SHISA6: variants seen among roughly 807,000 people sequenced by gnomAD.
SHISA6 encodes the protein protein shisa-6.
A neutral mutation model predicts 47.9 loss-of-function variants in SHISA6; 22 were observed. The observed-to-expected ratio is 0.46, with a 90% CI of 0.33 to 0.66. SHISA6 has a LOEUF of 0.66. Ranked by LOEUF, SHISA6 falls within the 30% of genes least tolerant of loss-of-function variation. The pLI, the probability that SHISA6 is intolerant of heterozygous loss-of-function variation, is 0.02. For synonymous variants in SHISA6, 388 were observed against 337.8 expected (o/e 1.15, Z -1.63); for missense variants, 680 against 764.6 (o/e 0.89, Z 1.30).
Position 11,481,527 on chromosome 17 carries a change from C to T in SHISA6, c.896-70369C>T, listed in dbSNP as rs187388553. Among the ~76,000 whole-genome samples, 807 of 149,920 alleles carry T rather than the reference C, an allele frequency of 5.4e-3. 9 individuals carry two copies. Among genetic ancestry groups the T allele is most frequent in the African/African-American group, 0.019 (771 of 40,724 alleles). On this transcript the variant is annotated intron_variant, in intron 3 of 5. Transcript: ENST00000441885. ...TTTTTTTTGGAGATGGAGTCTCGCT[C>T]CGTCGCCCAGGCTGGAGTGCAGTGG...
intron 3 of SHISA6, among the ~76,000 whole-genome samples, chr17:11,492,218 A>G (rs1375470147): frequency 1.3e-5 from 2 of 152,168 alleles, no homozygotes; most frequent in African/African-American, 4.8e-5. Context: ...ATGAAGTGCT[A>G]AAAGGCCACA....
intron 3 of SHISA6, among the ~76,000 whole-genome samples, chr17:11,544,165 G>T (rs1288087118): frequency 6.6e-6 from 1 of 152,056 alleles, no homozygotes; most frequent in Non-Finnish European, 1.5e-5. Flanking sequence ...ATAGAAGAGA[G>T]TTCCTAAGCT....
intron 3 of SHISA6, among the ~76,000 whole-genome samples, chr17:11,422,953 C>T (rs11650466): frequency 0.091 from 13,740 of 150,700 alleles, 827 homozygotes; most frequent in Non-Finnish European, 0.14. Context: ...GATTAAAACG[C>T]ATGGCTACAG....
intron 3 of SHISA6, among the ~76,000 whole-genome samples, chr17:11,428,727 A>C (rs1485566920): frequency 6.6e-6 from 1 of 150,706 alleles, no homozygotes; most frequent in Non-Finnish European, 1.5e-5. Context: ...GCAATCACAC[A>C]GTTGCTGGGG....
At chr17:11,354,851 A>G (rs1912031588) in intron 2 of SHISA6, among the ~76,000 whole-genome samples, 1 of 152,054 alleles carries the variant, frequency 6.6e-6, no homozygotes, top group African/African-American at 2.4e-5. Context: ...CTTTCTTCCC[A>G]GTCTGTGTTC....
At chr17:11,278,678 G>C (rs562168674) in intron 2 of SHISA6, among the ~76,000 whole-genome samples, 2 of 152,350 alleles carry the variant, frequency 1.3e-5, no homozygotes, top group Admixed American at 6.5e-5. Context: ...CCAGCTAGCA[G>C]CTGGGCGAAG....
At chr17:11,394,998 CT>C (rs772109588) in intron 3 of SHISA6, among the ~76,000 whole-genome samples, 1,122 of 95,094 alleles carry the variant, frequency 0.012, 1 homozygote, top group South Asian at 0.019. Context: ...TTTTTCTTTT[CT>C]TTTTTTTTTT....
chr17:11,450,902 T>C (rs1240839425), intron 3 of SHISA6, among the ~76,000 whole-genome samples: 3 of 152,022 alleles, frequency 2.0e-5, no homozygotes, highest in Non-Finnish European at 4.4e-5. Context: ...TCCAGGTTTC[T>C]TGTCAGCCTT....
At chr17:11,542,334 G>GAAAA (rs5819321) in intron 3 of SHISA6, among the ~76,000 whole-genome samples, 1 of 122,808 alleles carries the variant, frequency 8.1e-6, no homozygotes. Flanking sequence ...AGTGCTACAA[G>GAAAA]AAAAAAAAAA....
At chr17:11,550,202 A>T (rs1485954390) in intron 3 of SHISA6, among the ~76,000 whole-genome samples, 1 of 152,014 alleles carries the variant, frequency 6.6e-6, no homozygotes, top group Non-Finnish European at 1.5e-5. Flanking sequence ...TTACAGGCAC[A>T]TGCCACCCCA....
At chr17:11,272,941 G>A (rs189488126) in intron 2 of SHISA6, among the ~76,000 whole-genome samples, 1 of 152,210 alleles carries the variant, frequency 6.6e-6, no homozygotes, top group Non-Finnish European at 1.5e-5. Context: ...GGAGTGTGAT[G>A]CCTGAGTTCC....
intron 3 of SHISA6, among the ~76,000 whole-genome samples, chr17:11,404,831 A>T (rs145009345): frequency 1.3e-5 from 2 of 152,188 alleles, no homozygotes; most frequent in Non-Finnish European, 2.9e-5. Context: ...TATTATCTTC[A>T]TCTGTTGACT....
At chr17:11,323,802 G>A (rs1229290568) in intron 2 of SHISA6, among the ~76,000 whole-genome samples, 1 of 152,064 alleles carries the variant, frequency 6.6e-6, no homozygotes, top group Non-Finnish European at 1.5e-5. Context: ...TTACGCTCCA[G>A]GGGCCTCAGC....
intron 3 of SHISA6, among the ~76,000 whole-genome samples, chr17:11,543,912 A>C (rs1225618947): frequency 7.4e-5 from 4 of 54,012 alleles, no homozygotes; most frequent in Non-Finnish European, 1.4e-4. Context: ...TTTATAAGCA[A>C]AAAAAAAAAA....
chr17:11,512,284 A>G (rs2071547115), intron 3 of SHISA6, among the ~76,000 whole-genome samples: 1 of 152,104 alleles, frequency 6.6e-6, no homozygotes, highest in Admixed American at 6.5e-5. Context: ...TTTCAGGAAA[A>G]TGAAAACAGT....
intron 3 of SHISA6, among the ~76,000 whole-genome samples, chr17:11,506,017 G>C (rs1023045861): frequency 6.6e-6 from 1 of 152,200 alleles, no homozygotes; most frequent in African/African-American, 2.4e-5. Context: ...TTCTTAATTT[G>C]TAGTTAAGAT....
At chr17:11,366,106 C>T (rs1912443173) in intron 2 of SHISA6, among the ~76,000 whole-genome samples, 1 of 152,204 alleles carries the variant, frequency 6.6e-6, no homozygotes, top group Non-Finnish European at 1.5e-5. Context: ...GGGAAGCTGG[C>T]AGGGCCATGG....
chr17:11,443,969 A>G (rs1915162849), intron 3 of SHISA6, among the ~76,000 whole-genome samples: 1 of 152,218 alleles, frequency 6.6e-6, no homozygotes, highest in African/African-American at 2.4e-5. Flanking sequence ...ACCATAAGTG[A>G]TATTTATAAA....
At chr17:11,266,656 T>C (rs1000790858) in intron 2 of SHISA6, among the ~76,000 whole-genome samples, 2 of 152,166 alleles carry the variant, frequency 1.3e-5, no homozygotes, top group Non-Finnish European at 2.9e-5. Flanking sequence ...TCCCCATACA[T>C]AGCAAACACT....
Sources: gnomAD v4.1 joint callset for allele counts (sites outside exome capture counted in the v4.1 genomes callset) on GRCh38, gnomAD v4.1.1 for gene constraint, MANE v1.5 for transcripts, NCBI Gene and HGNC (gene_info 2026-07-23, HGNC 2026-07-21) for gene names.